CNTN3: variants seen among roughly 807,000 people sequenced by gnomAD.
CNTN3 encodes contactin-3.
In CNTN3, 60 loss-of-function variants were observed where a neutral mutation model predicts 119.1. That is an observed-to-expected ratio of 0.50 (90% CI 0.41 to 0.62). The LOEUF is 0.62. Among genes scored for constraint, CNTN3 ranks in the 20% least tolerant of loss-of-function variants. The pLI is 0.00. For missense variants in CNTN3, 1,101 were observed against 1,242.4 expected (o/e 0.89, Z 1.71); for synonymous variants, 450 against 438.7 (o/e 1.03, Z -0.32).
intron 4 of CNTN3, among the ~76,000 whole-genome samples, chr3:74,462,965 T>A (rs1702399039): frequency 6.6e-6 from 1 of 152,172 alleles, no homozygotes; most frequent in South Asian, 2.1e-4. Context: ...TTCAAATTCT[T>A]CCTTGTAGAT....
chr3:74,312,189 C>A (rs1702700377), intron 13 of CNTN3, among the ~76,000 whole-genome samples: 1 of 151,996 alleles, frequency 6.6e-6, no homozygotes, highest in Non-Finnish European at 1.5e-5. Flanking sequence ...CGTGGTGGCT[C>A]ACGCCTGTAA....
intron 13 of CNTN3, among the ~76,000 whole-genome samples, chr3:74,323,072 A>G (rs749775413): frequency 1.3e-5 from 2 of 152,250 alleles, no homozygotes; most frequent in Non-Finnish European, 2.9e-5. Context: ...CAGTGGATAC[A>G]TGCCATTATA....
intron 4 of CNTN3, among the ~76,000 whole-genome samples, chr3:74,449,779 T>A (rs1442440892): frequency 6.6e-6 from 1 of 152,100 alleles, no homozygotes; most frequent in Non-Finnish European, 1.5e-5. Flanking sequence ...TATCAAATAC[T>A]CAGAATGAAT....
chr3:74,336,755 T>C, intron 11 of CNTN3, 97 bp from the exon 12 acceptor site: 1 of 968,300 alleles, frequency 1.0e-6, no homozygotes. Context: ...CTTAAGCTAG[T>C]ATTTTTAAGG....
rs370535288 is a variant in CNTN3 at position 74,338,549 on chromosome 3, C to T, written c.1365-1891G>A. ...ATATATCTCTCTCCATATTTTTCTC[C>T]TCCAGTAGACTATAGGAGACTGCCA... On this transcript the variant is annotated intron_variant, in intron 11 of 22. Transcript: ENST00000263665. 1.2e-4 allele frequency among the ~76,000 whole-genome samples: 18 copies of T among 151,728 alleles called. No individual in the cohort carries two copies. In the East Asian group the frequency reaches 3.3e-3, roughly 28 times the overall value.
rs925313810 is a variant in CNTN3 at position 74,428,268 on chromosome 3, GA to G, written c.359-3329del. Among the ~76,000 whole-genome samples, 356 of 146,350 alleles carry G rather than the reference GA, an allele frequency of 2.4e-3. 1 individual carries two copies. Among genetic ancestry groups the G allele is most frequent in the African/African-American group, 8.2e-3 (329 of 40,056 alleles). ...TTAGAATATATTACTTCTATAAATT[GA>G]AAAAAAAAAGGTTAACCATAAAACA... is the stretch of plus-strand genomic sequence containing the variant. On this transcript the variant is annotated intron_variant, in intron 4 of 22. Transcript: ENST00000263665.
At position 74,325,787 on chromosome 3, in the gene CNTN3, G is replaced by T. The variant is rs1043569109; in HGVS notation, c.1668+8948C>A. Among the ~76,000 whole-genome samples, 3 of 152,094 alleles carry T rather than the reference G, an allele frequency of 2.0e-5. No homozygotes were observed. The South Asian group carries it at 6.2e-4, about 31-fold the overall frequency. ...AAGATCAACAGTATATAAGAGAAAG[G>T]CATAGGTTTCAAACGCTGACATTCT... On this transcript the variant is annotated intron_variant, in intron 13 of 22. Coordinates refer to ENST00000263665, the MANE Select transcript of CNTN3 (RefSeq NM_020872.3).
intron 4 of CNTN3, among the ~76,000 whole-genome samples, chr3:74,438,039 T>G (rs538426378): frequency 6.6e-6 from 1 of 152,190 alleles, no homozygotes; most frequent in South Asian, 2.1e-4. Context: ...TATACAAAGA[T>G]GTACTTGGTC....
chr3:74,594,285 TTTTTTAC>T (rs1448043549), intron 1 of CNTN3, among the ~76,000 whole-genome samples: 1 of 149,268 alleles, frequency 6.7e-6, no homozygotes, highest in East Asian at 2.0e-4. Flanking sequence ...TTTTTTTTTT[TTTTTTAC>T]TTTTTTTTTA....
At chr3:74,502,127 A>G (rs1303621374) in intron 2 of CNTN3, among the ~76,000 whole-genome samples, 1 of 152,160 alleles carries the variant, frequency 6.6e-6, no homozygotes, top group Non-Finnish European at 1.5e-5. Context: ...ATGAGATGGG[A>G]TAGCATCATT....
At chr3:74,444,251 C>T (rs970138602) in intron 4 of CNTN3, among the ~76,000 whole-genome samples, 3 of 151,838 alleles carry the variant, frequency 2.0e-5, no homozygotes, top group Non-Finnish European at 4.4e-5. Flanking sequence ...CATTCTGAGG[C>T]ATTGGGGGAG....
At chr3:74,527,314 TTC>T (rs1308516620) in intron 1 of CNTN3, among the ~76,000 whole-genome samples, 1 of 151,944 alleles carries the variant, frequency 6.6e-6, no homozygotes, top group African/African-American at 2.4e-5. Context: ...ATCTCTGACA[TTC>T]TGTTAATTTT....
chr3:74,342,672 G>T (rs528290503), intron 11 of CNTN3, among the ~76,000 whole-genome samples: 2 of 152,310 alleles, frequency 1.3e-5, no homozygotes, highest in South Asian at 4.1e-4. Context: ...TCTATAAAAT[G>T]TTGCTAAACG....
intron 1 of CNTN3, among the ~76,000 whole-genome samples, chr3:74,571,675 A>G (rs1280782075): frequency 6.6e-6 from 1 of 152,196 alleles, no homozygotes; most frequent in African/African-American, 2.4e-5. Context: ...TTGAACTCAC[A>G]TATTTATTGG....
intron 1 of CNTN3, among the ~76,000 whole-genome samples, chr3:74,583,041 A>C (rs1208816636): frequency 6.6e-6 from 1 of 152,178 alleles, no homozygotes; most frequent in East Asian, 1.9e-4. Flanking sequence ...CAGTATCCAG[A>C]AGCAGAAGGC....
At chr3:74,558,929 G>T (rs1704109846) in intron 1 of CNTN3, among the ~76,000 whole-genome samples, 1 of 151,600 alleles carries the variant, frequency 6.6e-6, no homozygotes. Flanking sequence ...GTTGCAGTGA[G>T]CTGAGATTGT....
intron 11 of CNTN3, among the ~76,000 whole-genome samples, chr3:74,348,051 G>A (rs182317722): frequency 6.6e-6 from 1 of 152,306 alleles, no homozygotes. Context: ...ATGGAGAAAT[G>A]CTGGTCAAAG....
At chr3:74,357,852 T>G (rs937866341) in intron 11 of CNTN3, among the ~76,000 whole-genome samples, 5 of 152,156 alleles carry the variant, frequency 3.3e-5, no homozygotes, top group Admixed American at 3.3e-4. Context: ...TATTCTTTAA[T>G]GCACCAATGA....
At chr3:74,439,991 G>A (rs1701934556) in intron 4 of CNTN3, among the ~76,000 whole-genome samples, 1 of 152,078 alleles carries the variant, frequency 6.6e-6, no homozygotes, top group African/African-American at 2.4e-5. Flanking sequence ...AACCCCCTGA[G>A]GTTTGATATA....
Sources: gnomAD v4.1 joint callset for allele counts (sites outside exome capture counted in the v4.1 genomes callset) on GRCh38, gnomAD v4.1.1 for gene constraint, MANE v1.5 for transcripts, NCBI Gene and HGNC (gene_info 2026-07-23, HGNC 2026-07-21) for gene names.